Variants in WDR7 observed in about 807,000 individuals in gnomAD.
WDR7 encodes WD repeat-containing protein 7.
A neutral mutation model predicts 169.4 loss-of-function variants in WDR7; 46 were observed. The observed-to-expected ratio is 0.27, with a 90% CI of 0.21 to 0.35. The LOEUF is 0.35. WDR7 is among the 10% of genes least tolerant of loss of function. WDR7 has a pLI of 1.00. For missense variants in WDR7, 1,534 were observed against 1,859.3 expected (o/e 0.83, Z 3.22); for synonymous variants, 612 against 666.8 (o/e 0.92, Z 1.27).
At chr18:57,032,388 G>A (rs56413950), downstream of WDR7, 18,762 of 152,170 alleles carry the variant, frequency 0.12, 1,399 homozygotes, top group East Asian at 0.35. Context: ...CTGACTTAAC[G>A]TCAAAATGAC....
At chr18:56,691,393 T>A (rs1465422458) in intron 8 of WDR7, 32 bp downstream of exon 8, 4 of 1,544,834 alleles carry the variant, frequency 2.6e-6, no homozygotes, top group Non-Finnish European at 3.5e-6. Flanking sequence ...AGGACAGTCA[T>A]CAAAAGTAAA....
At chr18:57,018,146 G>A (rs2048233396) in intron 26 of WDR7, among the ~76,000 whole-genome samples, 1 of 152,166 alleles carries the variant, frequency 6.6e-6, no homozygotes, top group Non-Finnish European at 1.5e-5. Context: ...TGCTGATTAA[G>A]GAAGGATGCT....
chr18:56,654,661 C>A lies in WDR7; in HGVS notation c.-20+3085C>A, dbSNP rs563758047. ...ATGATGTTCTTCATTGAACAGAAAT[C>A]TTATATTTTGATATAATCAAATTAA... On this transcript the variant is annotated intron_variant, in intron 1 of 27. Coordinates refer to ENST00000254442, the MANE Select transcript of WDR7 (RefSeq NM_015285.3). Among the ~76,000 whole-genome samples the A allele has an allele frequency of 5.9e-5, 9 of 152,234 alleles. No homozygotes were observed. The South Asian group carries it at 1.9e-3, about 32-fold the overall frequency.
chr18:56,761,938 G>A (rs1037420222), intron 16 of WDR7, among the ~76,000 whole-genome samples: 2 of 151,832 alleles, frequency 1.3e-5, no homozygotes, highest in Non-Finnish European at 2.9e-5. Flanking sequence ...CCTTTTCCCA[G>A]TTTCAAAGGG....
chr18:56,955,593 A>T (rs1327429223), intron 25 of WDR7, among the ~76,000 whole-genome samples: 1 of 152,146 alleles, frequency 6.6e-6, no homozygotes, highest in East Asian at 1.9e-4. Context: ...TGCCCTAGGA[A>T]AATAGCAAAT....
At chr18:56,825,931 G>T (rs2045194694) in intron 20 of WDR7, among the ~76,000 whole-genome samples, 1 of 152,250 alleles carries the variant, frequency 6.6e-6, no homozygotes, top group East Asian at 1.9e-4. Flanking sequence ...AACAGTATTA[G>T]ATCAGAAAGC....
intron 2 of WDR7, among the ~76,000 whole-genome samples, chr18:56,677,055 G>C (rs2025260279): frequency 6.6e-6 from 1 of 152,108 alleles, no homozygotes; most frequent in African/African-American, 2.4e-5. Flanking sequence ...GCAATATTCT[G>C]TGTTTTTCTG....
At chr18:56,874,982 A>G (rs2046003896) in intron 20 of WDR7, among the ~76,000 whole-genome samples, 1 of 152,138 alleles carries the variant, frequency 6.6e-6, no homozygotes, top group South Asian at 2.1e-4. Flanking sequence ...TTTTTAAATT[A>G]TTAGATTCTT....
chr18:56,688,064 T>A (rs910362064), intron 7 of WDR7, among the ~76,000 whole-genome samples: 4 of 152,164 alleles, frequency 2.6e-5, no homozygotes, highest in Non-Finnish European at 2.9e-5. Context: ...CTTGTTACTT[T>A]CCCCATTTTG....
intron 21 of WDR7, among the ~76,000 whole-genome samples, chr18:56,897,960 A>C (rs1041785952): frequency 3.9e-5 from 6 of 151,956 alleles, no homozygotes; most frequent in Non-Finnish European, 7.4e-5. Context: ...TCCAGGAGCA[A>C]TGACACTCCA....
intron 14 of WDR7, among the ~76,000 whole-genome samples, chr18:56,736,470 A>G (rs144758031): frequency 3.8e-4 from 58 of 151,852 alleles, no homozygotes; most frequent in Admixed American, 7.9e-4. Flanking sequence ...GAGTATGGAA[A>G]TGGAAGAAAT....
At chr18:56,820,339 CAAAAAAAAA>C (rs386387798) in intron 20 of WDR7, among the ~76,000 whole-genome samples, 1 of 42,474 alleles carries the variant, frequency 2.4e-5, no homozygotes, top group Non-Finnish European at 3.8e-5. Context: ...CTGACATTGT[CAAAAAAAAA>C]AAAAAAAAAA....
rs117850303 is a variant in WDR7, at chr18:56,801,843, A to G, written c.3191-14188A>G. On this transcript the variant is annotated intron_variant, in intron 19 of 27. Coordinates refer to ENST00000254442, the MANE Select transcript of WDR7 (RefSeq NM_015285.3). ...TGGCTGTACCAAAGTATATTTATCC[A>G]TTCACCTGTTTAGGGACATCTGGGT... is the stretch of plus-strand genomic sequence containing the variant. Among the ~76,000 whole-genome samples, 1,167 of 152,298 alleles carry G rather than the reference A, an allele frequency of 7.7e-3. 8 individuals carry two copies. The highest frequency in any genetic ancestry group is 0.011 in the Non-Finnish European group (757 of 68,018).
In WDR7 at chr18:56,757,233, C is replaced by T. The variant is rs377040904; in HGVS notation, c.2640C>T (p.Tyr880=). Residue 880 remains tyrosine (Y), a synonymous_variant, in exon 15 of 28, where the codon TAC becomes TAT. Transcript: ENST00000254442. ...PASEGVGKGT[Y]GVSRAVTTQH... The stretch of plus-strand genomic sequence containing the variant: ...CTGAGGGAGTAGGAAAGGGAACTTA[C>T]GGAGTGTCCCGTGCCGTCACCACAC... 1.1e-5 allele frequency: 18 copies of T among 1,614,100 alleles called. No individual in the cohort carries two copies. The highest frequency in any genetic ancestry group is 1.6e-4 in the Middle Eastern group (1 of 6,062).
intron 14 of WDR7, among the ~76,000 whole-genome samples, chr18:56,746,935 G>A (rs887623318): frequency 6.6e-6 from 1 of 152,122 alleles, no homozygotes; most frequent in African/African-American, 2.4e-5. Context: ...GTGTCCGTTG[G>A]GAGTGAGGGG....
intron 21 of WDR7, among the ~76,000 whole-genome samples, chr18:56,890,061 A>C (rs955789773): frequency 3.9e-5 from 6 of 152,202 alleles, no homozygotes; most frequent in Admixed American, 6.5e-5. Flanking sequence ...AAGGATGCAC[A>C]GATTCCATGA....
At chr18:56,724,141 G>T (rs1360237606) in intron 13 of WDR7, among the ~76,000 whole-genome samples, 1 of 147,478 alleles carries the variant, frequency 6.8e-6, no homozygotes, top group Non-Finnish European at 1.5e-5. Flanking sequence ...TCAGTTCTGG[G>T]CTTGTTTTTC....
At chr18:56,895,194 C>G (rs1197957591) in intron 21 of WDR7, among the ~76,000 whole-genome samples, 1 of 151,750 alleles carries the variant, frequency 6.6e-6, no homozygotes. Flanking sequence ...ATTTGGAAAA[C>G]CAAGGATATC....
chr18:56,716,292 G>A (rs574084767), intron 12 of WDR7, among the ~76,000 whole-genome samples: 17 of 151,670 alleles, frequency 1.1e-4, no homozygotes, highest in Non-Finnish European at 2.2e-4. Flanking sequence ...TTCTATTAAC[G>A]TTTTAATGAA....
Sources: allele counts gnomAD v4.1 joint callset (sites outside exome capture counted in the v4.1 genomes callset), GRCh38; gene constraint gnomAD v4.1.1; transcripts MANE v1.5; gene names NCBI Gene and HGNC (gene_info 2026-07-23, HGNC 2026-07-21).